PHAF1: variants seen among roughly 807,000 people sequenced by gnomAD.
The protein encoded by PHAF1 is phagosome assembly factor 1.
Under a neutral mutation model 63.1 loss-of-function variants are expected in PHAF1, and 23 were observed. The observed-to-expected ratio is 0.36, with a 90% CI of 0.26 to 0.52. The LOEUF (loss-of-function observed/expected upper bound fraction) is 0.52, where lower values mean the gene tolerates loss of function less well. PHAF1 is among the 20% of genes least tolerant of loss of function. PHAF1 has a pLI of 0.93. For synonymous variants in PHAF1, 167 were observed against 185.0 expected, an observed-to-expected ratio of 0.90 and a Z score of 0.79; for missense variants, 427 against 517.2, an observed-to-expected ratio of 0.83 and a Z score of 1.69.
Position 67,116,340 on chromosome 16 carries a change from G to C in PHAF1, c.65-3772G>C, listed in dbSNP as rs1486401569. On this transcript the variant is annotated intron_variant, in intron 1 of 15. Coordinates refer to ENST00000219139, the MANE Select transcript of PHAF1 (RefSeq NM_025187.5). ...GGCCTCTCAGATGAGGGTAGAATCA[G>C]ATTGTTTAAATGTAGATGAGCCATG... is the stretch of plus-strand genomic sequence containing the variant. 2.0e-5 allele frequency among the ~76,000 whole-genome samples: 3 copies of C among 152,342 alleles called. No homozygotes were observed. In the East Asian group the frequency reaches 5.8e-4, roughly 29 times the overall value.
intron 3 of PHAF1, among the ~76,000 whole-genome samples, chr16:67,128,097 C>G (rs1366588158): frequency 1.6e-4 from 1 of 6,376 alleles, no homozygotes; most frequent in East Asian, 0.25. Context: ...TAATCCTAAC[C>G]CGCCTGTGAA....
chr16:67,143,079 G>C (rs1338325030), intron 10 of PHAF1, among the ~76,000 whole-genome samples: 1 of 152,140 alleles, frequency 6.6e-6, no homozygotes, highest in Non-Finnish European at 1.5e-5. Flanking sequence ...TAGGAGGGAA[G>C]TGTTCACTGG....
chr16:67,146,501 C>T, intron 15 of PHAF1, 151 bp downstream of exon 15: 1 of 814,582 alleles, frequency 1.2e-6, no homozygotes, highest in Non-Finnish European at 2.0e-6. Flanking sequence ...GCATACCTGG[C>T]CTCCCCACAC....
intron 8 of PHAF1, chr16:67,139,772 G>A (rs1225787775): frequency 1.1e-5 from 6 of 565,274 alleles, no homozygotes; most frequent in South Asian, 9.5e-5. Flanking sequence ...CATGTCACAT[G>A]TGGGGGATTG....
chr16:67,118,574 A>T (rs1156679363), intron 1 of PHAF1, among the ~76,000 whole-genome samples: 1 of 150,870 alleles, frequency 6.6e-6, no homozygotes, highest in Non-Finnish European at 1.5e-5. Context: ...TAACCTGATG[A>T]TCTGCCCATC....
chr16:67,120,234 C>T (rs780583070), intron 2 of PHAF1, 40 bp downstream of exon 2: 13 of 1,564,270 alleles, frequency 8.3e-6, no homozygotes, highest in Middle Eastern at 1.7e-4. Flanking sequence ...TAGCATCCCT[C>T]GGTAGTGAGT....
intron 1 of PHAF1, among the ~76,000 whole-genome samples, chr16:67,119,143 G>A (rs527987929): frequency 5.3e-5 from 8 of 152,148 alleles, no homozygotes; most frequent in Non-Finnish European, 8.8e-5. Flanking sequence ...TTTCAGAGAT[G>A]CAGAGACAGG....
chr16:67,140,751 G>T (rs1293381145), intron 10 of PHAF1, among the ~76,000 whole-genome samples, 157 bp downstream of exon 10: 1 of 152,208 alleles, frequency 6.6e-6, no homozygotes, highest in Non-Finnish European at 1.5e-5. Flanking sequence ...ATAGGCTCTG[G>T]TACTCCAAAG....
chr16:67,128,817 C>T (rs1313416681), intron 3 of PHAF1, among the ~76,000 whole-genome samples: 1 of 152,214 alleles, frequency 6.6e-6, no homozygotes, highest in African/African-American at 2.4e-5. Context: ...AGTGCTGCTT[C>T]GTGCCCTGTG....
intron 2 of PHAF1, among the ~76,000 whole-genome samples, chr16:67,121,582 CTTTTTTTT>C (rs763354915): frequency 7.1e-6 from 1 of 140,236 alleles, no homozygotes; most frequent in African/African-American, 2.6e-5. Context: ...AATTTATTTA[CTTTTTTTT>C]TTTTTTTGAG....
intron 3 of PHAF1, 58 bp downstream of exon 3, chr16:67,126,100 A>G: frequency 3.1e-6 from 4 of 1,283,790 alleles, no homozygotes; most frequent in South Asian, 1.2e-5. Context: ...TTCTGGAGCT[A>G]ATTAGTATGT....
In PHAF1 at chr16:67,111,555, T is replaced by C. The variant is rs1277334097; in HGVS notation, c.64+1316T>C. 2.6e-5 allele frequency among the ~76,000 whole-genome samples: 4 copies of C among 152,238 alleles called. 1 individual carries two copies. The highest frequency in any genetic ancestry group is 2.0e-4 in the Admixed American group (3 of 15,278). On this transcript the variant is annotated intron_variant, in intron 1 of 15. Transcript: ENST00000219139. The stretch of plus-strand genomic sequence containing the variant: ...TGTTGGAGAAACCAGGTGGTACAGA[T>C]TGCTGGTAAGGCCCTGCTGATGCTT...
At chr16:67,142,433 A>G (rs1317697420) in intron 10 of PHAF1, among the ~76,000 whole-genome samples, 1 of 152,190 alleles carries the variant, frequency 6.6e-6, no homozygotes, top group African/African-American at 2.4e-5. Flanking sequence ...TTCACCTCAG[A>G]CCAAGCCCTT....
Position 67,132,817 on chromosome 16 carries a change from T to C in PHAF1, c.356T>C (p.Val119Ala), listed in dbSNP as rs537008618. The change falls in exon 6 of 16, where the codon GTG becomes GCG. Residue 119 changes from valine to alanine, a missense_variant and splice_region_variant. By Grantham distance (64) the Val-to-Ala change is moderately conservative (BLOSUM62 0). Coordinates refer to ENST00000219139, the MANE Select transcript of PHAF1 (RefSeq NM_025187.5). ...TTTTCTTCTCCCCCACCCCCAACAGTGTACAACTCCGCTGAGCAGCTCTTC... is the reference window on the plus strand; with the variant it reads ...TTTTCTTCTCCCCCACCCCCAACAGCGTACAACTCCGCTGAGCAGCTCTTC... Reference protein sequence around the residue: ...DQSFGATHPGVYNSAEQLFHL... With the variant: ...DQSFGATHPGAYNSAEQLFHL... The C allele has an allele frequency of 1.2e-6, 2 of 1,609,036 alleles. No individual in the cohort carries two copies. The highest frequency in any genetic ancestry group is 1.7e-5 in the Admixed American group (1 of 60,012).
intron 4 of PHAF1, 76 bp from the exon 5 acceptor site, chr16:67,132,370 C>A: frequency 7.8e-7 from 1 of 1,279,390 alleles, no homozygotes; most frequent in Non-Finnish European, 1.1e-6. Context: ...AAAAATAACT[C>A]TCCCAGCTAC....
At chr16:67,140,418 T>C in intron 9 of PHAF1, 93 bp from the exon 10 acceptor site, 1 of 1,139,462 alleles carries the variant, frequency 8.8e-7, no homozygotes, top group Non-Finnish European at 1.3e-6. Context: ...CGCAGCTTAA[T>C]GTTACACATG....
intron 3 of PHAF1, 36 bp from the exon 4 acceptor site, chr16:67,131,250 T>G: frequency 7.1e-7 from 1 of 1,403,834 alleles, no homozygotes; most frequent in Non-Finnish European, 9.9e-7. Context: ...CTGTCATCAC[T>G]TTCAGAGCAT....
intron 3 of PHAF1, among the ~76,000 whole-genome samples, chr16:67,127,926 AT>A (rs1277733524): frequency 6.6e-6 from 1 of 152,212 alleles, no homozygotes; most frequent in East Asian, 1.9e-4. Context: ...AGGTAACGGT[AT>A]TTCATGGTAA....
At chr16:67,112,906 C>T (rs1287416779) in intron 1 of PHAF1, among the ~76,000 whole-genome samples, 2 of 152,128 alleles carry the variant, frequency 1.3e-5, no homozygotes, top group African/African-American at 4.8e-5. Flanking sequence ...TCATTTTCCA[C>T]CTCTGTCAAT....
Sources: allele counts gnomAD v4.1 joint callset (sites outside exome capture counted in the v4.1 genomes callset), GRCh38; gene constraint gnomAD v4.1.1; transcripts MANE v1.5; gene names NCBI Gene and HGNC (gene_info 2026-07-23, HGNC 2026-07-21).